TNNI3K: variants seen among roughly 807,000 people sequenced by gnomAD.
The protein encoded by TNNI3K is serine/threonine-protein kinase TNNI3K.
A neutral mutation model predicts 114.5 loss-of-function variants in TNNI3K; 140 were observed. The ratio of observed to expected loss-of-function variants is 1.22; its 90% confidence interval spans 1.07 to 1.41. TNNI3K has a LOEUF of 1.41. TNNI3K is among the 40% of genes most tolerant of loss of function. TNNI3K has a pLI of 0.00. For synonymous variants in TNNI3K, 347 were observed against 347.5 expected (o/e 1.00, Z 0.02); for missense variants, 1,125 against 1,007.6 (o/e 1.12, Z -1.58).
chr1:74,343,405 C>T (rs1660847790), intron 9 of TNNI3K, among the ~76,000 whole-genome samples: 1 of 152,142 alleles, frequency 6.6e-6, no homozygotes, highest in South Asian at 2.1e-4. Context: ...ATGCTGTGTT[C>T]CTGGCAGCAG....
intron 21 of TNNI3K, chr1:74,471,793 A>G (rs1181811803): frequency 2.3e-6 from 1 of 426,118 alleles, no homozygotes; most frequent in African/African-American, 2.0e-5. Flanking sequence ...AAATTTTTCT[A>G]TTGCACTGTT....
intron 2 of TNNI3K, among the ~76,000 whole-genome samples, chr1:74,246,502 T>G (rs1485831755): frequency 2.6e-5 from 4 of 152,210 alleles, no homozygotes; most frequent in African/African-American, 9.6e-5. Flanking sequence ...GGACAATGAT[T>G]CAGCTCTGAG....
chr1:74,506,197 A>G (rs1398102133), intron 23 of TNNI3K, among the ~76,000 whole-genome samples: 1 of 152,216 alleles, frequency 6.6e-6, no homozygotes, highest in Non-Finnish European at 1.5e-5. Context: ...GTGACATAGA[A>G]CAGAAATGTG....
chr1:74,463,368 G>A, intron 20 of TNNI3K, 73 bp from the exon 21 acceptor site: 2 of 1,489,838 alleles, frequency 1.3e-6, no homozygotes, highest in South Asian at 2.3e-5. Flanking sequence ...GCCTTTTTGT[G>A]TGTGTGTGTC....
intron 23 of TNNI3K, among the ~76,000 whole-genome samples, chr1:74,523,812 A>G (rs1646466661): frequency 6.6e-6 from 1 of 152,198 alleles, no homozygotes; most frequent in African/African-American, 2.4e-5. Context: ...TCTGGGATAC[A>G]TGTGCAGAAC....
chr1:74,466,699 C>T (rs1374620389), intron 21 of TNNI3K, among the ~76,000 whole-genome samples: 1 of 152,130 alleles, frequency 6.6e-6, no homozygotes, highest in Non-Finnish European at 1.5e-5. Context: ...AGTTGAGCTG[C>T]TTCTGTATGT....
At chr1:74,375,328 A>G (rs1443763707) in intron 17 of TNNI3K, 1 of 203,374 alleles carries the variant, frequency 4.9e-6, no homozygotes, top group East Asian at 1.1e-4. Flanking sequence ...ACATAGGCCA[A>G]AATAACTTTG....
At chr1:74,342,697 C>T (rs1171949852) in intron 7 of TNNI3K, 145 bp from the exon 8 acceptor site, 1 of 1,045,598 alleles carries the variant, frequency 9.6e-7, no homozygotes, top group Admixed American at 2.8e-5. Flanking sequence ...AAATTGGTCG[C>T]CCTTAATTTC....
At chr1:74,489,371 T>C in intron 22 of TNNI3K, 123 bp downstream of exon 22, 1 of 941,118 alleles carries the variant, frequency 1.1e-6, no homozygotes, top group South Asian at 2.0e-5. Context: ...TCCATCCATA[T>C]TTGCCCTATT....
chr1:74,383,095 C>T (rs1261858733), intron 17 of TNNI3K, among the ~76,000 whole-genome samples: 2 of 150,472 alleles, frequency 1.3e-5, no homozygotes, highest in Admixed American at 6.6e-5. Context: ...TCTTTTCATA[C>T]AAAGAATGTG....
Position 74,235,492 on chromosome 1 carries a change from G to T in TNNI3K, c.40+1G>T. 1 of 1,407,702 alleles carries T rather than the reference G, an allele frequency of 7.1e-7. No homozygotes were observed. The highest frequency in any genetic ancestry group is 9.9e-7 in the Non-Finnish European group (1 of 1,014,254). The allele number at this position is 1,407,702 out of a possible 1,614,324, so 87.2% of individuals were successfully genotyped here. ...TCTAGACCAACCCAAACTTGTACTGGTAATTATTCTAATTATTCTTATTTC... is the reference window on the plus strand; with the variant it reads ...TCTAGACCAACCCAAACTTGTACTGTTAATTATTCTAATTATTCTTATTTC... On this transcript the variant is annotated splice_donor_variant, in intron 1 of 24. Coordinates refer to ENST00000326637, the MANE Select transcript of TNNI3K (RefSeq NM_015978.3). LOFTEE classifies it high-confidence loss of function.
chr1:74,369,528 T>A lies in TNNI3K; in HGVS notation c.1610T>A (p.Ile537Asn), dbSNP rs752377882. Residue 537 changes from isoleucine to asparagine, a missense_variant, in exon 16 of 25, where the codon ATT (isoleucine) becomes AAT (asparagine). Ile to Asn is a moderately radical substitution (Grantham distance 149). Coordinates refer to ENST00000326637, the MANE Select transcript of TNNI3K (RefSeq NM_015978.3). ...ACLNDPSQFA[I>N]VTQYISGGSL... ...TTGAATGATCCCAGCCAGTTTGCCATTGTCACTCAATACATATCAGGGGGT... is the reference window on the plus strand; with the variant it reads ...TTGAATGATCCCAGCCAGTTTGCCAATGTCACTCAATACATATCAGGGGGT... 1 of 1,612,656 alleles carries A rather than the reference T, an allele frequency of 6.2e-7. No individual in the cohort carries two copies. The highest frequency in any genetic ancestry group is 1.1e-5 in the South Asian group (1 of 91,016).
At chr1:74,496,522 T>C (rs561028432) in intron 23 of TNNI3K, among the ~76,000 whole-genome samples, 5 of 152,296 alleles carry the variant, frequency 3.3e-5, no homozygotes, top group African/African-American at 1.2e-4. Context: ...TACTTTTCAA[T>C]TTTTGGTCAT....
At chr1:74,291,074 T>TGCA (rs1657649431) in intron 5 of TNNI3K, among the ~76,000 whole-genome samples, 1 of 151,572 alleles carries the variant, frequency 6.6e-6, no homozygotes, top group African/African-American at 2.4e-5. Context: ...GACCACCAGT[T>TGCA]TAAGAAGTAA....
chr1:74,284,797 A>G (rs1053899237), intron 5 of TNNI3K, among the ~76,000 whole-genome samples: 2 of 152,218 alleles, frequency 1.3e-5, no homozygotes, highest in East Asian at 1.9e-4. Context: ...AATAACTCCC[A>G]CAAGCTTAGC....
At chr1:74,525,743 C>A (rs1434953383) in intron 23 of TNNI3K, among the ~76,000 whole-genome samples, 1 of 152,178 alleles carries the variant, frequency 6.6e-6, no homozygotes, top group Non-Finnish European at 1.5e-5. Context: ...CTTCTTACAG[C>A]ATCCACAGTC....
chr1:74,431,963 C>T (rs1161550739), intron 17 of TNNI3K, among the ~76,000 whole-genome samples: 2 of 152,058 alleles, frequency 1.3e-5, no homozygotes, highest in African/African-American at 4.8e-5. Context: ...TACTTAAATT[C>T]CTTTAATGGT....
At chr1:74,502,030 A>C (rs997268209) in intron 23 of TNNI3K, among the ~76,000 whole-genome samples, 2 of 152,134 alleles carry the variant, frequency 1.3e-5, no homozygotes, top group Non-Finnish European at 2.9e-5. Context: ...GGCTTTATAC[A>C]GGTGTTTCTT....
intron 20 of TNNI3K, among the ~76,000 whole-genome samples, chr1:74,450,557 GAA>G (rs947674572): frequency 6.6e-6 from 1 of 151,386 alleles, no homozygotes; most frequent in Non-Finnish European, 1.5e-5. Context: ...AAATTTACAT[GAA>G]AAAAAACCCA....
Sources: allele counts gnomAD v4.1 joint callset (sites outside exome capture counted in the v4.1 genomes callset), GRCh38; gene constraint gnomAD v4.1.1; transcripts MANE v1.5; gene names NCBI Gene and HGNC (gene_info 2026-07-23, HGNC 2026-07-21).